ATP10B: variants seen among roughly 807,000 people sequenced by gnomAD.
The protein encoded by ATP10B is phospholipid-transporting ATPase VB.
Under a neutral mutation model 141.2 loss-of-function variants are expected in ATP10B, and 122 were observed. The ratio of observed to expected loss-of-function variants is 0.86; its 90% CI spans 0.75 to 1.00. ATP10B has a LOEUF of 1.00. ATP10B is among the 50% of genes least tolerant of loss of function. The probability of loss-of-function intolerance (pLI) is 0.00; values close to 1 mark genes in which losing one functional copy is unlikely to be tolerated. For synonymous variants in ATP10B, 685 were observed against 692.0 expected, an observed-to-expected ratio of 0.99 and a Z score of 0.16; for missense variants, 1,876 against 1,825.3, an observed-to-expected ratio of 1.03 and a Z score of -0.51.
At chr5:160,813,978 T>C (rs1299045422) in intron 1 of ATP10B, among the ~76,000 whole-genome samples, 1 of 152,088 alleles carries the variant, frequency 6.6e-6, no homozygotes, top group African/African-American at 2.4e-5. Context: ...CAAAACCCCA[T>C]CTGTACGTCA....
chr5:160,594,037 A>T (rs1756509569), intron 22 of ATP10B, among the ~76,000 whole-genome samples: 1 of 152,212 alleles, frequency 6.6e-6, no homozygotes, highest in African/African-American at 2.4e-5. Context: ...AATACAGAGA[A>T]TGCCACAAAG....
intron 24 of ATP10B, among the ~76,000 whole-genome samples, chr5:160,585,652 G>A (rs569770889): frequency 5.3e-5 from 8 of 152,226 alleles, no homozygotes; most frequent in Admixed American, 4.6e-4. Flanking sequence ...GCTTGCCATT[G>A]TTATCTTTTC....
chr5:160,860,800 G>A, the ATP10B span, among the ~76,000 whole-genome samples: 5 of 151,988 alleles, frequency 3.3e-5, no homozygotes, highest in East Asian at 9.7e-4. Flanking sequence ...TTCAAACATT[G>A]GGAGATTTCT....
intron 7 of ATP10B, among the ~76,000 whole-genome samples, chr5:160,657,792 C>G (rs1435428683): frequency 1.3e-5 from 2 of 152,188 alleles, no homozygotes; most frequent in African/African-American, 4.8e-5. Flanking sequence ...CCCTGTATCT[C>G]TCTTGTTTAC....
intron 5 of ATP10B, among the ~76,000 whole-genome samples, chr5:160,686,625 C>T (rs1193907988): frequency 1.3e-5 from 2 of 152,098 alleles, no homozygotes; most frequent in Non-Finnish European, 2.9e-5. Context: ...TTTTGTCATG[C>T]TTATGGATGA....
chr5:160,655,694 C>T (rs1308284339), intron 7 of ATP10B, among the ~76,000 whole-genome samples: 2 of 152,040 alleles, frequency 1.3e-5, no homozygotes, highest in East Asian at 1.9e-4. Flanking sequence ...TTCTTTGGCT[C>T]AACAAATAAA....
At chr5:160,572,447 T>C (rs1754934246) in intron 24 of ATP10B, among the ~76,000 whole-genome samples, 1 of 152,190 alleles carries the variant, frequency 6.6e-6, no homozygotes, top group Non-Finnish European at 1.5e-5. Flanking sequence ...AGTAGCTGAC[T>C]CCTTTCCCCA....
chr5:160,634,072 A>T (rs1326557004), intron 12 of ATP10B: 24 of 463,288 alleles, frequency 5.2e-5, no homozygotes, highest in Non-Finnish European at 6.8e-5. Context: ...CAGATAAAAA[A>T]CTCGTCTCAT....
chr5:160,649,387 T>G lies in ATP10B; in HGVS notation c.676-131A>C, dbSNP rs904653329. 1.8e-5 allele frequency: 12 copies of G among 662,498 alleles called. No individual in the cohort carries two copies. The African/African-American group carries it at 2.0e-4, about 11-fold the overall frequency. 41.0% of individuals were successfully genotyped at this position (662,498 alleles called of 1,614,324 possible). A position where few individuals can be genotyped will look rare whatever the true frequency, so the allele number is the denominator to read the frequency against. ...CCATGCTTTGTCACACTTTGATAGT[T>G]GTAATGTGTCAGAAAAAAAAGTTAA... On this transcript the variant is annotated intron_variant, in intron 7 of 25. Coordinates refer to ENST00000327245, the MANE Select transcript of ATP10B (RefSeq NM_025153.3).
At position 160,636,292 on chromosome 5, in the gene ATP10B, C is replaced by T; in HGVS notation, c.1018G>A (p.Gly340Arg). 1.2e-6 allele frequency: 2 copies of T among 1,613,190 alleles called. No individual in the cohort carries two copies. Among genetic ancestry groups the T allele is most frequent in the South Asian group, 2.2e-5 (2 of 90,812 alleles). Reference sequence around the variant, plus strand: ...AAGGGAGGGTGTTCTTCAAAGGTCCCATTCCAGATGCTGTGACCTGAGAGG... The same window carrying T: ...AAGGGAGGGTGTTCTTCAAAGGTCCTATTCCAGATGCTGTGACCTGAGAGG... ...IGAVGHSIWNGTFEEHPPFDV... is the reference protein window; with the variant it reads ...IGAVGHSIWNRTFEEHPPFDV... The change falls in exon 11 of 26, where the codon GGG (glycine) becomes AGG (arginine). Residue 340 changes from glycine to arginine, a missense_variant. By Grantham distance (125) the Gly-to-Arg change is moderately radical. Transcript: ENST00000327245.
intron 6 of ATP10B, among the ~76,000 whole-genome samples, chr5:160,676,693 T>G (rs2127733567): frequency 6.6e-6 from 1 of 152,342 alleles, no homozygotes; most frequent in South Asian, 2.1e-4. Flanking sequence ...CTTTGGCCAT[T>G]TTAACATCTT....
intron 1 of ATP10B, among the ~76,000 whole-genome samples, chr5:160,830,235 ATATT>A (rs548036313): frequency 2.8e-3 from 422 of 152,256 alleles, no homozygotes; most frequent in Non-Finnish European, 4.3e-3. Flanking sequence ...GTGGTGAATC[ATATT>A]TATTGATTTA....
At chr5:160,903,448 G>C in the ATP10B span, among the ~76,000 whole-genome samples, 1 of 152,152 alleles carries the variant, frequency 6.6e-6, no homozygotes, top group Non-Finnish European at 1.5e-5. Flanking sequence ...TGTCTGCACT[G>C]GGAGTAGCTT....
chr5:160,777,450 A>AAAGATGG (rs2127872026), intron 2 of ATP10B, among the ~76,000 whole-genome samples: 1 of 152,360 alleles, frequency 6.6e-6, no homozygotes, highest in Non-Finnish European at 1.5e-5. Context: ...TGGGAAATCC[A>AAAGATGG]AAGATGGAAG....
chr5:160,693,380 C>A (rs1764182376), intron 3 of ATP10B, among the ~76,000 whole-genome samples: 2 of 140,626 alleles, frequency 1.4e-5, no homozygotes. Context: ...AGGTAAAGGG[C>A]AAGATGTTTC....
chr5:160,685,807 G>C (rs1338612724), intron 6 of ATP10B, among the ~76,000 whole-genome samples: 1 of 151,972 alleles, frequency 6.6e-6, no homozygotes, highest in Non-Finnish European at 1.5e-5. Flanking sequence ...ATTGTTCCCC[G>C]GTGGTGTCCT....
At chr5:160,688,612 A>T (rs1763904133) in intron 4 of ATP10B, 148 bp downstream of exon 4, 1 of 310,796 alleles carries the variant, frequency 3.2e-6, no homozygotes, top group African/African-American at 2.3e-5. Flanking sequence ...TTCTATACTT[A>T]TTCCACAAGA....
chr5:160,809,550 A>G (rs1421120519), intron 1 of ATP10B, among the ~76,000 whole-genome samples: 1 of 152,216 alleles, frequency 6.6e-6, no homozygotes, highest in Admixed American at 6.5e-5. Context: ...GGGAACATTC[A>G]ATATCCTCTT....
intron 2 of ATP10B, among the ~76,000 whole-genome samples, chr5:160,747,887 A>G (rs537219811): frequency 6.7e-6 from 1 of 150,346 alleles, no homozygotes; most frequent in East Asian, 2.0e-4. Flanking sequence ...CTTCTGGCAC[A>G]TTTCTGTCAT....
Sources: allele counts gnomAD v4.1 joint callset (sites outside exome capture counted in the v4.1 genomes callset), GRCh38; gene constraint gnomAD v4.1.1; transcripts MANE v1.5; gene names NCBI Gene and HGNC (gene_info 2026-07-23, HGNC 2026-07-21).